Variants in SRGAP3 observed in about 807,000 individuals in gnomAD.
SRGAP3 encodes SLIT-ROBO Rho GTPase-activating protein 3.
Under a neutral mutation model 121.1 loss-of-function variants are expected in SRGAP3, and 39 were observed. The observed-to-expected ratio is 0.32, with a 90% CI of 0.25 to 0.42. SRGAP3 has a LOEUF of 0.42. SRGAP3 is among the 10% of genes least tolerant of loss of function. SRGAP3 has a pLI of 1.00. For missense variants in SRGAP3, 1,213 were observed against 1,470.6 expected, an observed-to-expected ratio of 0.82 and a Z score of 2.86; for synonymous variants, 601 against 570.0, an observed-to-expected ratio of 1.05 and a Z score of -0.77.
chr3:9,220,784 G>A (rs1319223888), intron 1 of SRGAP3, among the ~76,000 whole-genome samples: 2 of 152,208 alleles, frequency 1.3e-5, no homozygotes, highest in Non-Finnish European at 2.9e-5. Flanking sequence ...TGGCTCCCTA[G>A]ATGATTAGCT....
rs116419354 is a variant in SRGAP3, at chr3:9,114,031, G to A, written c.261-9189C>T. 6.4e-3 allele frequency among the ~76,000 whole-genome samples: 978 copies of A among 152,272 alleles called. 9 individuals carry two copies. The highest frequency in any genetic ancestry group is 0.022 in the African/African-American group (930 of 41,538). On this transcript the variant is annotated intron_variant, in intron 2 of 21. Coordinates refer to ENST00000383836, the MANE Select transcript of SRGAP3 (RefSeq NM_014850.4). ...TAGCTCTGGCACTATTTGGCAGCCC[G>A]GAGACAGAGTCATCCTGAAGGGGAC...
chr3:9,090,423 G>A (rs1216363248), intron 3 of SRGAP3, among the ~76,000 whole-genome samples: 3 of 151,540 alleles, frequency 2.0e-5, no homozygotes, highest in African/African-American at 4.8e-5. Context: ...AAAAAATCAA[G>A]TGAACATTAA....
At chr3:9,165,437 A>G (rs1950753139) in intron 1 of SRGAP3, among the ~76,000 whole-genome samples, 1 of 152,084 alleles carries the variant, frequency 6.6e-6, no homozygotes, top group Non-Finnish European at 1.5e-5. Flanking sequence ...AACCCCACCA[A>G]GGCATCATTC....
chr3:9,266,267 AT>A (rs1954365178), intron 3 of SRGAP3, among the ~76,000 whole-genome samples: 2 of 152,192 alleles, frequency 1.3e-5, no homozygotes, highest in Admixed American at 1.3e-4. Context: ...GAAATACCTA[AT>A]GTAGATGACA....
rs192413491 is a variant in SRGAP3, at chr3:8,986,017, G to A, written c.2887-85C>T. ...GTCTGCTAAGCAGCTTCCCTTCGTAGGCAGGTTCCCCAGAAGCCTCGCGGC... is the reference window on the plus strand; with the variant it reads ...GTCTGCTAAGCAGCTTCCCTTCGTAAGCAGGTTCCCCAGAAGCCTCGCGGC... On this transcript the variant is annotated intron_variant, in intron 21 of 21. Transcript: ENST00000383836. 6.7e-5 allele frequency: 106 copies of A among 1,591,250 alleles called. 1 individual carries two copies. In the East Asian group the frequency reaches 1.6e-3, roughly 25 times the overall value.
chr3:9,085,960 T>A (rs373394112), intron 3 of SRGAP3, among the ~76,000 whole-genome samples: 4 of 152,276 alleles, frequency 2.6e-5, no homozygotes, highest in South Asian at 4.2e-4. Context: ...CATGTACCTC[T>A]GAACTGAAAA....
At chr3:9,189,187 G>A (rs1195365017) in intron 1 of SRGAP3, among the ~76,000 whole-genome samples, 1 of 152,310 alleles carries the variant, frequency 6.6e-6, no homozygotes, top group East Asian at 1.9e-4. Context: ...AGTCAATCTT[G>A]TCTCCTTTCT....
At chr3:9,348,568 G>A (rs1484032915) in intron 1 of SRGAP3, 12 of 803,864 alleles carry the variant, frequency 1.5e-5, no homozygotes, top group East Asian at 2.4e-5. Flanking sequence ...AGTGTGGCAG[G>A]CAGGTGCTGT....
chr3:9,259,350 A>C (rs1306992276), intron 3 of SRGAP3, among the ~76,000 whole-genome samples: 1 of 151,950 alleles, frequency 6.6e-6, no homozygotes, highest in Non-Finnish European at 1.5e-5. Context: ...ATGATCACAG[A>C]CTTCTGCAGC....
intron 2 of SRGAP3, among the ~76,000 whole-genome samples, chr3:9,107,857 C>T (rs1158151152): frequency 6.6e-6 from 1 of 152,208 alleles, no homozygotes; most frequent in African/African-American, 2.4e-5. Flanking sequence ...ACGTCCAGCA[C>T]CCAGCAATGT....
At chr3:9,149,737 C>T (rs887287471) in intron 1 of SRGAP3, among the ~76,000 whole-genome samples, 2 of 152,236 alleles carry the variant, frequency 1.3e-5, no homozygotes, top group African/African-American at 4.8e-5. Flanking sequence ...CCAAGTTCAA[C>T]AGAACTGCCT....
chr3:9,325,975 T>C (rs1955511435), intron 3 of SRGAP3: 1 of 151,922 alleles, frequency 6.6e-6, no homozygotes, highest in African/African-American at 2.4e-5. Flanking sequence ...GGATGCCATC[T>C]CCTTCTGGGG....
intron 1 of SRGAP3, among the ~76,000 whole-genome samples, chr3:9,358,211 T>C (rs1251275909): frequency 6.6e-6 from 1 of 152,092 alleles, no homozygotes; most frequent in Non-Finnish European, 1.5e-5. Context: ...TAAGAAACTC[T>C]ACCCCCTTTA....
intron 18 of SRGAP3, among the ~76,000 whole-genome samples, chr3:9,009,776 T>G (rs1309856059): frequency 1.3e-5 from 2 of 152,152 alleles, no homozygotes; most frequent in East Asian, 3.9e-4. Flanking sequence ...TCATCACCCT[T>G]TGATTTCATC....
intron 1 of SRGAP3, among the ~76,000 whole-genome samples, chr3:9,171,022 T>TC (rs1445527067): frequency 1.3e-5 from 2 of 152,192 alleles, no homozygotes; most frequent in Non-Finnish European, 2.9e-5. Flanking sequence ...CCTTGGGCAG[T>TC]CAGCTTCCGC....
At chr3:9,202,420 C>T (rs529352505) in intron 1 of SRGAP3, among the ~76,000 whole-genome samples, 3 of 152,324 alleles carry the variant, frequency 2.0e-5, no homozygotes, top group South Asian at 2.1e-4. Context: ...GCTAAGCCTT[C>T]GTCACCCTCT....
intron 11 of SRGAP3, among the ~76,000 whole-genome samples, chr3:9,033,220 C>T (rs529344647): frequency 3.9e-5 from 6 of 152,332 alleles, no homozygotes; most frequent in South Asian, 2.1e-4. Flanking sequence ...ACTGATCTTC[C>T]TAATGCCTCT....
intron 18 of SRGAP3, among the ~76,000 whole-genome samples, chr3:9,004,348 A>G (rs1422416221): frequency 1.3e-5 from 2 of 152,198 alleles, no homozygotes; most frequent in African/African-American, 4.8e-5. Flanking sequence ...GATATTTCCA[A>G]CTGACCTATA....
upstream of SRGAP3, among the ~76,000 whole-genome samples, chr3:9,252,750 C>T (rs1171791191): frequency 2.0e-5 from 3 of 152,126 alleles, no homozygotes. Flanking sequence ...TGTGACTCCT[C>T]CTCTGTGAGC....
Sources: allele counts gnomAD v4.1 joint callset (sites outside exome capture counted in the v4.1 genomes callset), GRCh38; gene constraint gnomAD v4.1.1; transcripts MANE v1.5; gene names NCBI Gene and HGNC (gene_info 2026-07-23, HGNC 2026-07-21).